Variants in HPSE2 observed in about 807,000 individuals in gnomAD.
HPSE2 encodes heparanase 2 (inactive).
Under a neutral mutation model 60.5 loss-of-function variants are expected in HPSE2, and 38 were observed. The ratio of observed to expected loss-of-function variants is 0.63; its 90% CI spans 0.48 to 0.82. The LOEUF (loss-of-function observed/expected upper bound fraction) is 0.82. Ranked by LOEUF, HPSE2 falls within the 40% of genes least tolerant of loss-of-function variation. HPSE2 has a pLI of 0.00. For missense variants in HPSE2, 713 were observed against 740.4 expected (o/e 0.96, Z 0.43); for synonymous variants, 295 against 293.2 (o/e 1.01, Z -0.06).
chr10:98,512,395 C>T (rs1263932639), intron 9 of HPSE2, among the ~76,000 whole-genome samples: 2 of 152,132 alleles, frequency 1.3e-5, no homozygotes, highest in Non-Finnish European at 2.9e-5. Context: ...TCCTGGCTAA[C>T]ACGGTGAAAC....
intron 8 of HPSE2, among the ~76,000 whole-genome samples, chr10:98,618,954 C>T (rs552487060): frequency 2.6e-5 from 4 of 152,300 alleles, no homozygotes; most frequent in African/African-American, 9.6e-5. Flanking sequence ...ATTTGAACCA[C>T]GCTTGCTGAC....
intron 3 of HPSE2, among the ~76,000 whole-genome samples, chr10:98,931,801 T>A (rs1442863283): frequency 2.1e-5 from 3 of 143,944 alleles, no homozygotes; most frequent in Non-Finnish European, 3.0e-5. Flanking sequence ...TGCTTGTGAT[T>A]TCTGCACATT....
chr10:99,144,725 G>T, intron 2 of HPSE2, among the ~76,000 whole-genome samples: 1 of 152,114 alleles, frequency 6.6e-6, no homozygotes, highest in South Asian at 2.1e-4. Flanking sequence ...ATATCTTACC[G>T]TTTTCCATGG....
intron 9 of HPSE2, among the ~76,000 whole-genome samples, chr10:98,601,590 G>GCTA (rs769543413): frequency 6.6e-6 from 1 of 152,200 alleles, no homozygotes; most frequent in Non-Finnish European, 1.5e-5. Context: ...AGTTTCTGCA[G>GCTA]CTACTTACAC....
At chr10:98,759,519 A>G (rs887358497) in intron 3 of HPSE2, among the ~76,000 whole-genome samples, 1 of 152,106 alleles carries the variant, frequency 6.6e-6, no homozygotes, top group Admixed American at 6.6e-5. Context: ...GTGTATATCC[A>G]GTATCCCAAT....
chr10:98,568,490 A>G (rs562433852), intron 9 of HPSE2, among the ~76,000 whole-genome samples: 1 of 152,250 alleles, frequency 6.6e-6, no homozygotes, highest in East Asian at 1.9e-4. Context: ...AAAGGGAGAT[A>G]ACTTCCTGTT....
intron 3 of HPSE2, among the ~76,000 whole-genome samples, chr10:98,794,895 A>T (rs1483240222): frequency 6.6e-6 from 1 of 151,766 alleles, no homozygotes; most frequent in East Asian, 1.9e-4. Flanking sequence ...ATAATTAGGC[A>T]AATGCCTGTG....
chr10:99,148,541 A>G (rs1846139068), intron 2 of HPSE2, among the ~76,000 whole-genome samples: 1 of 152,188 alleles, frequency 6.6e-6, no homozygotes, highest in African/African-American at 2.4e-5. Context: ...CTGTAATCCC[A>G]GCACTTTGGG....
intron 2 of HPSE2, among the ~76,000 whole-genome samples, chr10:99,176,667 A>G (rs12570928): frequency 0.021 from 3,171 of 152,270 alleles, 112 homozygotes; most frequent in East Asian, 0.16. Context: ...TGAAAGTGAC[A>G]GGGAGAATGG....
At chr10:98,627,687 AATTAT>A (rs1166278906) in intron 7 of HPSE2, among the ~76,000 whole-genome samples, 1 of 152,226 alleles carries the variant, frequency 6.6e-6, no homozygotes, top group Non-Finnish European at 1.5e-5. Context: ...ATGATATTTA[AATTAT>A]ATAATATTTA....
chr10:98,636,290 A>G (rs1946499406), intron 7 of HPSE2, among the ~76,000 whole-genome samples: 1 of 149,102 alleles, frequency 6.7e-6, no homozygotes, highest in Non-Finnish European at 1.5e-5. Flanking sequence ...CCCAGACTGG[A>G]GTGCAATGGC....
chr10:98,919,762 A>T (rs971435714), intron 3 of HPSE2, among the ~76,000 whole-genome samples: 3 of 152,214 alleles, frequency 2.0e-5, no homozygotes, highest in Non-Finnish European at 4.4e-5. Flanking sequence ...CAGAAAAAAT[A>T]AAAATAAAAG....
At chr10:98,879,566 A>AT (rs113360913) in intron 3 of HPSE2, among the ~76,000 whole-genome samples, 3,239 of 151,424 alleles carry the variant, frequency 0.021, 113 homozygotes, top group East Asian at 0.15. Context: ...ATTTTGAAGG[A>AT]TTTTTTTTTC....
chr10:98,602,056 T>A (rs12358140), intron 9 of HPSE2, among the ~76,000 whole-genome samples: 62,903 of 151,956 alleles, frequency 0.41, 15,648 homozygotes, highest in Admixed American at 0.53. Flanking sequence ...GGGATATAAG[T>A]ATTCCCAGGA....
At chr10:98,693,755 A>T (rs1948139652) in intron 6 of HPSE2, 145 bp downstream of exon 6, 5 of 747,292 alleles carry the variant, frequency 6.7e-6, no homozygotes, top group Non-Finnish European at 1.2e-5. Context: ...TGTGCCATAA[A>T]AACAACTTTG....
At chr10:98,954,015 C>A (rs1955440420) in intron 3 of HPSE2, among the ~76,000 whole-genome samples, 1 of 152,114 alleles carries the variant, frequency 6.6e-6, no homozygotes, top group Admixed American at 6.5e-5. Flanking sequence ...AAGAAAAGAG[C>A]ACTAAGTTGG....
intron 3 of HPSE2, among the ~76,000 whole-genome samples, chr10:98,965,869 C>T (rs1368387973): frequency 6.6e-6 from 1 of 151,976 alleles, no homozygotes; most frequent in Non-Finnish European, 1.5e-5. Context: ...TTCATTCATT[C>T]AGTCATTTAC....
intron 9 of HPSE2, among the ~76,000 whole-genome samples, chr10:98,604,509 C>T (rs986951894): frequency 6.6e-6 from 1 of 151,942 alleles, no homozygotes; most frequent in Non-Finnish European, 1.5e-5. Flanking sequence ...GGGACAACTA[C>T]AAAAGGTGTA....
intron 6 of HPSE2, among the ~76,000 whole-genome samples, chr10:98,691,387 A>G (rs1306771730): frequency 6.6e-6 from 1 of 152,214 alleles, no homozygotes; most frequent in East Asian, 1.9e-4. Context: ...AATAAACAAA[A>G]TGTATTTATT....
Sources: allele counts gnomAD v4.1 joint callset (sites outside exome capture counted in the v4.1 genomes callset), GRCh38; gene constraint gnomAD v4.1.1; transcripts MANE v1.5; gene names NCBI Gene and HGNC (gene_info 2026-07-23, HGNC 2026-07-21).